The following LINGO2 variants were observed in gnomAD, a reference collection of about 807,000 sequenced individuals.
The protein encoded by LINGO2 is leucine rich repeat and Ig domain containing 2, also known as leucine-rich repeat and immunoglobulin-like domain-containing nogo receptor-interacting protein 2.
In LINGO2, 14 loss-of-function variants were observed where a neutral mutation model predicts 30.6. That is an observed-to-expected ratio of 0.46 (90% CI 0.30 to 0.72). The LOEUF (loss-of-function observed/expected upper bound fraction) is 0.72. Among genes scored for constraint, LINGO2 ranks in the 30% least tolerant of loss-of-function variants. The probability of loss-of-function intolerance (pLI) is 0.07; values close to 1 mark genes in which losing one functional copy is unlikely to be tolerated. For missense variants in LINGO2, 729 were observed against 751.7 expected, an observed-to-expected ratio of 0.97 and a Z score of 0.35; for synonymous variants, 317 against 288.5, an observed-to-expected ratio of 1.10 and a Z score of -1.00.
the LINGO2 span, among the ~76,000 whole-genome samples, chr9:28,909,016 G>T: frequency 6.6e-6 from 1 of 151,800 alleles, no homozygotes; most frequent in Non-Finnish European, 1.5e-5. Flanking sequence ...AAAGCAATTG[G>T]ACAGGAATAA....
the LINGO2 span, among the ~76,000 whole-genome samples, chr9:28,680,043 A>C: frequency 4.6e-5 from 7 of 152,002 alleles, no homozygotes; most frequent in African/African-American, 1.7e-4. Flanking sequence ...TGTGTTATTG[A>C]CTATGGTCAT....
intron 2 of LINGO2, among the ~76,000 whole-genome samples, chr9:28,411,169 C>G (rs959564651): frequency 6.6e-6 from 1 of 151,736 alleles, no homozygotes; most frequent in Non-Finnish European, 1.5e-5. Context: ...TTTTTTTTAA[C>G]AGGCATATGA....
chr9:28,358,857 TCA>T (rs1820332003), intron 3 of LINGO2, among the ~76,000 whole-genome samples: 1 of 152,076 alleles, frequency 6.6e-6, no homozygotes, highest in Non-Finnish European at 1.5e-5. Context: ...ATCTTTTTAT[TCA>T]TTCAAAAAAA....
chr9:28,308,646 C>T (rs1824473149), intron 3 of LINGO2, among the ~76,000 whole-genome samples: 1 of 148,322 alleles, frequency 6.7e-6, no homozygotes, highest in Admixed American at 6.7e-5. Flanking sequence ...GAACAGGCAA[C>T]CTACAAAATG....
In LINGO2 at chr9:28,317,242, G is replaced by C. The variant is rs552697413; in HGVS notation, c.-245-21876C>G. ...GTCAGTATGAGTTCCATATATATTT[G>C]TGAGAAAAGAGAGATATAATTTTCA... is the stretch of plus-strand genomic sequence containing the variant. On this transcript the variant is annotated intron_variant, in intron 3 of 5. Coordinates refer to ENST00000379992, the Ensembl canonical transcript of LINGO2. 2.0e-5 allele frequency among the ~76,000 whole-genome samples: 3 copies of C among 147,236 alleles called. No homozygotes were observed. The East Asian group carries it at 6.1e-4, about 30-fold the overall frequency.
the LINGO2 span, among the ~76,000 whole-genome samples, chr9:28,894,485 A>G: frequency 6.6e-6 from 1 of 151,886 alleles, no homozygotes; most frequent in African/African-American, 2.4e-5. Context: ...ACTCAGTTTC[A>G]TTTCTTGCTT....
At chr9:29,125,300 C>T in the LINGO2 span, among the ~76,000 whole-genome samples, 1 of 152,000 alleles carries the variant, frequency 6.6e-6, no homozygotes, top group African/African-American at 2.4e-5. Context: ...AGGACAAATA[C>T]CTAATGCATG....
At chr9:28,513,661 G>A (rs1269111686) in intron 1 of LINGO2, among the ~76,000 whole-genome samples, 1 of 152,156 alleles carries the variant, frequency 6.6e-6, no homozygotes, top group Non-Finnish European at 1.5e-5. Context: ...ACATTGTTTT[G>A]TAAAAAATTC....
chr9:28,141,472 T>A (rs115948216), intron 4 of LINGO2, among the ~76,000 whole-genome samples: 1 of 152,216 alleles, frequency 6.6e-6, no homozygotes, highest in East Asian at 1.9e-4. Context: ...AAAACCATAA[T>A]AGCACCTCAT....
intron 3 of LINGO2, among the ~76,000 whole-genome samples, chr9:28,308,003 G>T (rs1463517019): frequency 1.3e-5 from 2 of 151,288 alleles, no homozygotes; most frequent in African/African-American, 2.4e-5. Flanking sequence ...TGGCCATACT[G>T]CCCAAGGTAA....
the LINGO2 span, chr9:27,939,496 A>G: frequency 6.6e-6 from 1 of 152,212 alleles, no homozygotes; most frequent in Non-Finnish European, 1.5e-5. Context: ...ATATAAATCA[A>G]GGTGGTGGAG....
At chr9:29,058,028 A>C in the LINGO2 span, among the ~76,000 whole-genome samples, 35 of 152,158 alleles carry the variant, frequency 2.3e-4, no homozygotes, top group Non-Finnish European at 4.0e-4. Flanking sequence ...TCTCAAGCAC[A>C]ACAAGACATC....
the LINGO2 span, among the ~76,000 whole-genome samples, chr9:29,167,569 C>A: frequency 2.6e-5 from 4 of 152,144 alleles, no homozygotes; most frequent in African/African-American, 9.6e-5. Flanking sequence ...AGACTATACA[C>A]AAAACCAAGT....
At chr9:28,497,155 A>G (rs1284584747) in intron 1 of LINGO2, among the ~76,000 whole-genome samples, 1 of 152,082 alleles carries the variant, frequency 6.6e-6, no homozygotes, top group Non-Finnish European at 1.5e-5. Context: ...GCTCTTCTCG[A>G]GAAGTATCTC....
chr9:27,960,614 C>CTTTTTTTTTTTTT (rs540319420), intron 5 of LINGO2, among the ~76,000 whole-genome samples: 1 of 122,318 alleles, frequency 8.2e-6, no homozygotes, highest in African/African-American at 2.8e-5. Flanking sequence ...TGTGGTATAT[C>CTTTTTTTTTTTTT]TTTTTTTTTT....
chr9:28,719,117 T>A, the LINGO2 span, among the ~76,000 whole-genome samples: 10 of 152,014 alleles, frequency 6.6e-5, no homozygotes, highest in Non-Finnish European at 1.5e-4. Flanking sequence ...TTGTATCTAT[T>A]GTTAATTATC....
chr9:28,053,440 T>C (rs183056598), intron 4 of LINGO2, among the ~76,000 whole-genome samples: 1 of 152,228 alleles, frequency 6.6e-6, no homozygotes, highest in Non-Finnish European at 1.5e-5. Flanking sequence ...CTCTTAATTG[T>C]ATACGAATAA....
At chr9:28,570,594 A>T (rs1357801690) in intron 1 of LINGO2, among the ~76,000 whole-genome samples, 2 of 146,404 alleles carry the variant, frequency 1.4e-5, no homozygotes, top group Non-Finnish European at 3.0e-5. Flanking sequence ...AGCCAAGGTC[A>T]CTGAAACAGT....
At chr9:28,659,397 C>T (rs1828495440) in intron 1 of LINGO2, among the ~76,000 whole-genome samples, 1 of 151,870 alleles carries the variant, frequency 6.6e-6, no homozygotes, top group Non-Finnish European at 1.5e-5. Flanking sequence ...GGAAAGATTA[C>T]CTTCTTCAAA....
Sources: gnomAD v4.1 joint callset for allele counts (sites outside exome capture counted in the v4.1 genomes callset) on GRCh38, gnomAD v4.1.1 for gene constraint, MANE v1.5 for transcripts, NCBI Gene and HGNC (gene_info 2026-07-23, HGNC 2026-07-21) for gene names.